Variants in CALN1 observed in about 807,000 individuals in gnomAD.
CALN1 encodes the protein calneuron 1.
Under a neutral mutation model 30.6 loss-of-function variants are expected in CALN1, and 17 were observed. The observed-to-expected ratio is 0.56, with a 90% CI of 0.38 to 0.83. CALN1 has a LOEUF of 0.83. Among genes scored for constraint, CALN1 ranks in the 40% least tolerant of loss-of-function variants. CALN1 has a pLI of 0.00. For synonymous variants in CALN1, 156 were observed against 131.4 expected (o/e 1.19, Z -1.28); for missense variants, 291 against 354.9 (o/e 0.82, Z 1.45).
intron 3 of CALN1, among the ~76,000 whole-genome samples, chr7:72,260,479 C>G (rs146584241): frequency 1.6e-3 from 240 of 152,318 alleles, no homozygotes; most frequent in South Asian, 4.1e-3. Flanking sequence ...TGATCAACCA[C>G]AGTCGTGGAG....
intron 4 of CALN1, among the ~76,000 whole-genome samples, chr7:72,032,261 T>A (rs1001483408): frequency 6.6e-6 from 1 of 151,030 alleles, no homozygotes; most frequent in Non-Finnish European, 1.5e-5. Flanking sequence ...GGTTTCATCG[T>A]GGTCTCGATC....
Position 71,807,111 on chromosome 7 carries a change from G to A in CALN1, c.658+3225C>T, listed in dbSNP as rs140938166. Among the ~76,000 whole-genome samples the A allele has an allele frequency of 1.7e-3, 264 of 152,274 alleles. 7 individuals carry two copies. The East Asian group carries it at 0.046, about 26-fold the overall frequency. On this transcript the variant is annotated intron_variant, in intron 6 of 6. Coordinates refer to ENST00000395275, the MANE Select transcript of CALN1 (RefSeq NM_031468.4). ...GGGAGAGATGGGGAGGCCCCAAAGC[G>A]CTCAAGGCTGGGAGGAGGAGAGGGA...
intron 2 of CALN1, among the ~76,000 whole-genome samples, chr7:72,301,187 C>G (rs955267346): frequency 2.6e-5 from 4 of 152,142 alleles, no homozygotes; most frequent in Non-Finnish European, 5.9e-5. Flanking sequence ...TGAGAGCACA[C>G]AGAGTATAGT....
intron 4 of CALN1, among the ~76,000 whole-genome samples, chr7:72,088,223 A>G (rs938256858): frequency 1.3e-5 from 2 of 152,088 alleles, no homozygotes; most frequent in Non-Finnish European, 2.9e-5. Flanking sequence ...ACATAACACC[A>G]GGCACCACCA....
intron 3 of CALN1, among the ~76,000 whole-genome samples, chr7:72,123,127 C>A (rs897111505): frequency 6.6e-6 from 1 of 152,140 alleles, no homozygotes; most frequent in African/African-American, 2.4e-5. Flanking sequence ...AAGAGGACAG[C>A]GATGGTCACA....
the CALN1 span, among the ~76,000 whole-genome samples, chr7:72,470,663 T>G: frequency 1.3e-5 from 2 of 152,154 alleles, no homozygotes; most frequent in Non-Finnish European, 2.9e-5. Flanking sequence ...AAATATAAAA[T>G]TAAAATTAAA....
At chr7:72,124,376 A>G (rs879793060) in intron 3 of CALN1, among the ~76,000 whole-genome samples, 2 of 152,228 alleles carry the variant, frequency 1.3e-5, no homozygotes, top group Non-Finnish European at 2.9e-5. Context: ...AATTAAAACA[A>G]TAATAATTAG....
chr7:72,395,944 A>G (rs1168510069), intron 2 of CALN1, among the ~76,000 whole-genome samples: 1 of 152,072 alleles, frequency 6.6e-6, no homozygotes, highest in Non-Finnish European at 1.5e-5. Context: ...CTCCAAATAT[A>G]TATATTTTAA....
intron 3 of CALN1, among the ~76,000 whole-genome samples, chr7:72,256,008 G>T (rs530257714): frequency 1.3e-5 from 2 of 152,204 alleles, no homozygotes; most frequent in Non-Finnish European, 2.9e-5. Context: ...GATTACAGGC[G>T]TGAGCCACCG....
chr7:71,852,826 A>G (rs2116602491), intron 5 of CALN1, among the ~76,000 whole-genome samples: 1 of 152,274 alleles, frequency 6.6e-6, no homozygotes, highest in African/African-American at 2.4e-5. Context: ...GTACGTCTTT[A>G]TATTGATTGT....
intron 5 of CALN1, among the ~76,000 whole-genome samples, chr7:71,908,408 C>A (rs140886831): frequency 1.3e-5 from 2 of 152,184 alleles, no homozygotes; most frequent in African/African-American, 2.4e-5. Context: ...ACTTTCAATG[C>A]GAAGTGAAGA....
At chr7:72,171,228 A>G (rs1229402633) in intron 3 of CALN1, among the ~76,000 whole-genome samples, 1 of 152,194 alleles carries the variant, frequency 6.6e-6, no homozygotes, top group Non-Finnish European at 1.5e-5. Flanking sequence ...TTCACGCCTA[A>G]AAGATAAGCT....
At chr7:72,088,913 A>G (rs1805668263) in intron 4 of CALN1, among the ~76,000 whole-genome samples, 1 of 152,130 alleles carries the variant, frequency 6.6e-6, no homozygotes, top group Non-Finnish European at 1.5e-5. Context: ...TAAGAGGATT[A>G]ATGCTTGAAG....
chr7:72,283,964 G>T (rs571418377), intron 2 of CALN1, among the ~76,000 whole-genome samples: 8 of 152,230 alleles, frequency 5.3e-5, no homozygotes, highest in African/African-American at 1.9e-4. Flanking sequence ...CTGTTAATGG[G>T]GTCAAGGAAC....
chr7:72,320,743 G>A (rs765518032), intron 2 of CALN1, among the ~76,000 whole-genome samples: 10 of 151,172 alleles, frequency 6.6e-5, no homozygotes, highest in Non-Finnish European at 1.5e-4. Context: ...CCTGAGACAG[G>A]AGAATTGCTT....
intron 1 of CALN1, among the ~76,000 whole-genome samples, chr7:72,411,364 A>G (rs554625300): frequency 4.9e-4 from 74 of 152,346 alleles, no homozygotes; most frequent in African/African-American, 1.6e-3. Context: ...AATCATACAA[A>G]AGAGATTCAT....
chr7:72,282,795 T>A (rs1362629559), intron 2 of CALN1, among the ~76,000 whole-genome samples: 1 of 152,224 alleles, frequency 6.6e-6, no homozygotes, highest in East Asian at 1.9e-4. Flanking sequence ...GGCTCATGCC[T>A]GTAAACCCAG....
chr7:72,215,581 G>C (rs1245176082), intron 3 of CALN1, among the ~76,000 whole-genome samples: 6 of 112,726 alleles, frequency 5.3e-5, no homozygotes. Context: ...TGACAAGAGC[G>C]AAACTCCTGC....
At chr7:71,968,703 CTA>C (rs1280333993) in intron 5 of CALN1, among the ~76,000 whole-genome samples, 1 of 150,508 alleles carries the variant, frequency 6.6e-6, no homozygotes, top group Non-Finnish European at 1.5e-5. Flanking sequence ...GAAATATTCT[CTA>C]TCTTTAATGT....
Sources: allele counts gnomAD v4.1 joint callset (sites outside exome capture counted in the v4.1 genomes callset), GRCh38; gene constraint gnomAD v4.1.1; transcripts MANE v1.5; gene names NCBI Gene and HGNC (gene_info 2026-07-23, HGNC 2026-07-21).